FMN2: variants seen among roughly 807,000 people sequenced by gnomAD.
FMN2 encodes formin 2.
In FMN2, 51 loss-of-function variants were observed where a neutral mutation model predicts 142.3. That is an observed-to-expected ratio of 0.36 (90% CI 0.29 to 0.45). The LOEUF (loss-of-function observed/expected upper bound fraction) is 0.45. FMN2 is among the 20% of genes least tolerant of loss of function. The probability of loss-of-function intolerance (pLI) is 1.00; values close to 1 mark genes in which losing one functional copy is unlikely to be tolerated. For missense variants in FMN2, 1,936 were observed against 2,122.8 expected (o/e 0.91, Z 1.73); for synonymous variants, 882 against 869.8 (o/e 1.01, Z -0.25).
intron 15 of FMN2, among the ~76,000 whole-genome samples, chr1:240,423,256 G>A (rs1191261935): frequency 1.3e-5 from 2 of 152,152 alleles, no homozygotes; most frequent in Non-Finnish European, 1.5e-5. Context: ...CCTATGGAGG[G>A]TGGGGGAAGG....
intron 7 of FMN2, among the ~76,000 whole-genome samples, chr1:240,260,979 A>G (rs763176355): frequency 6.8e-4 from 103 of 152,294 alleles, no homozygotes; most frequent in Non-Finnish European, 2.9e-4. Flanking sequence ...TGTCTTGCCA[A>G]TTATCCCAGC....
chr1:240,423,237 A>G (rs2103146425), intron 15 of FMN2, among the ~76,000 whole-genome samples: 1 of 152,314 alleles, frequency 6.6e-6, no homozygotes, highest in South Asian at 2.1e-4. Context: ...GTTACACTTT[A>G]TGTAAGTTCC....
chr1:240,208,825 T>C (rs146993020), intron 5 of FMN2, 93 bp downstream of exon 5: 1 of 1,460,708 alleles, frequency 6.8e-7, no homozygotes, highest in Non-Finnish European at 9.2e-7. Context: ...TTGAATGTAT[T>C]TTTAAGCACA....
intron 6 of FMN2, among the ~76,000 whole-genome samples, chr1:240,247,434 G>A (rs1294110451): frequency 2.0e-5 from 3 of 151,722 alleles, no homozygotes; most frequent in South Asian, 2.1e-4. Context: ...CCTGGGAGGC[G>A]GAGATTGCAG....
chr1:240,123,869 GTC>G (rs1364072205), intron 2 of FMN2, among the ~76,000 whole-genome samples: 4 of 152,056 alleles, frequency 2.6e-5, no homozygotes, highest in Non-Finnish European at 4.4e-5. Flanking sequence ...TTCTCTTTCT[GTC>G]TCTATGAATC....
In FMN2 at chr1:240,207,340, ACT is replaced by A; in HGVS notation, c.2531_2532del (p.Ser844CysfsTer6). 1.2e-6 allele frequency: 2 copies of A among 1,613,410 alleles called. No homozygotes were observed. The highest frequency in any genetic ancestry group is 8.5e-7 in the Non-Finnish European group (1 of 1,179,736). On this transcript the variant is annotated frameshift_variant, in exon 5 of 18. Coordinates refer to ENST00000319653, the MANE Select transcript of FMN2 (RefSeq NM_020066.5). LOFTEE classifies it high-confidence loss of function. The stretch of plus-strand genomic sequence containing the variant: ...ACCGAGTTTCAAACCAGCCACGAAC[ACT>A]CTGTTTCCTCTGCCTTTAAAAACAG...
At chr1:240,442,443 T>G (rs555543664) in intron 16 of FMN2, among the ~76,000 whole-genome samples, 90 of 152,234 alleles carry the variant, frequency 5.9e-4, no homozygotes, top group Admixed American at 1.6e-3. Context: ...TTCAGAGCAG[T>G]GTTTTTGAAG....
rs1324407419 is a variant in FMN2 at position 240,093,348 on chromosome 1, C to A, written c.1239C>A (p.Leu413=). 1.9e-6 allele frequency: 3 copies of A among 1,613,176 alleles called. No individual in the cohort carries two copies. The South Asian group carries it at 3.3e-5, about 18-fold the overall frequency. ...PSQRCFKPYP[L]ITPCYIKTTT... ...AGCGCTGTTTCAAGCCCTACCCGCT[C>A]ATCACCCCCTGCTACATCAAGACCA... The change falls in exon 1 of 18, where the codon CTC becomes CTA. Residue 413 remains leucine, a synonymous_variant. Transcript: ENST00000319653.
chr1:240,380,693 A>C (rs1673194287), intron 14 of FMN2, among the ~76,000 whole-genome samples: 1 of 149,974 alleles, frequency 6.7e-6, no homozygotes, highest in South Asian at 2.1e-4. Flanking sequence ...AAAAGCATGA[A>C]CAAACCAAAC....
intron 14 of FMN2, among the ~76,000 whole-genome samples, chr1:240,374,674 G>C (rs906820236): frequency 2.0e-5 from 3 of 152,172 alleles, no homozygotes; most frequent in African/African-American, 7.2e-5. Flanking sequence ...TGGCTTAAGA[G>C]AATGTTGTGG....
chr1:240,360,915 GA>G (rs1234467947), intron 14 of FMN2, among the ~76,000 whole-genome samples: 1 of 151,146 alleles, frequency 6.6e-6, no homozygotes, highest in Non-Finnish European at 1.5e-5. Flanking sequence ...GGTGGAAATT[GA>G]ACAATGAGAA....
intron 15 of FMN2, among the ~76,000 whole-genome samples, chr1:240,407,580 T>C (rs1016505843): frequency 2.6e-5 from 4 of 152,224 alleles, no homozygotes; most frequent in African/African-American, 9.6e-5. Context: ...AATTCTTCCT[T>C]CATTTGTTGT....
chr1:240,473,297 C>T lies in FMN2; in HGVS notation c.5143-831C>T, dbSNP rs1049807136. ...TTAAGTTTCCTGCTTGCCCACTCCC[C>T]GCTTTAAAACAAAATGCCAGGTTAT... On this transcript the variant is annotated intron_variant, in intron 17 of 17. Coordinates refer to ENST00000319653, the MANE Select transcript of FMN2 (RefSeq NM_020066.5). This position sits in a 1 kb window ranked among gnomAD's most constrained non-coding sequence, Gnocchi z 4.3. Among the ~76,000 whole-genome samples the T allele has an allele frequency of 5.3e-5, 8 of 152,092 alleles. No individual in the cohort carries two copies. Among genetic ancestry groups the T allele is most frequent in the African/African-American group, 1.7e-4 (7 of 41,400 alleles).
intron 1 of FMN2, among the ~76,000 whole-genome samples, chr1:240,113,828 C>A (rs1280599492): frequency 6.6e-6 from 1 of 152,142 alleles, no homozygotes; most frequent in Non-Finnish European, 1.5e-5. Context: ...AAACTGTTTG[C>A]CTTCCCACCA....
At chr1:240,148,547 T>C (rs1166763852) in intron 2 of FMN2, among the ~76,000 whole-genome samples, 1 of 152,038 alleles carries the variant, frequency 6.6e-6, no homozygotes, top group Non-Finnish European at 1.5e-5. Context: ...TTGTCTCCAA[T>C]TGGGGTTAAC....
intron 8 of FMN2, among the ~76,000 whole-genome samples, chr1:240,328,172 A>AG (rs1671252949): frequency 1.4e-5 from 2 of 140,842 alleles, no homozygotes; most frequent in Non-Finnish European, 3.2e-5. Context: ...AAAAAAAAAA[A>AG]GAAAAAGAAA....
chr1:240,137,069 CAAAAA>C (rs563163509), intron 2 of FMN2, among the ~76,000 whole-genome samples: 2 of 76,200 alleles, frequency 2.6e-5, no homozygotes, highest in Non-Finnish European at 5.1e-5. Context: ...AACTCCGTCT[CAAAAA>C]AAAAAAAAAA....
chr1:240,437,516 A>C (rs550903785), intron 15 of FMN2, among the ~76,000 whole-genome samples: 110 of 151,710 alleles, frequency 7.3e-4, no homozygotes, highest in African/African-American at 2.5e-3. Flanking sequence ...GTTAGCCAGG[A>C]TGGTCTCGAT....
chr1:240,411,121 A>G (rs1462546272), intron 15 of FMN2, among the ~76,000 whole-genome samples: 1 of 152,130 alleles, frequency 6.6e-6, no homozygotes, highest in Admixed American at 6.6e-5. Flanking sequence ...GAAGATATAC[A>G]ATATAAATTT....
Sources: allele counts gnomAD v4.1 joint callset (sites outside exome capture counted in the v4.1 genomes callset), GRCh38; gene constraint gnomAD v4.1.1; non-coding constraint Gnocchi (gnomAD v3.1); transcripts MANE v1.5; gene names NCBI Gene and HGNC (gene_info 2026-07-23, HGNC 2026-07-21).